The following PARD3B variants were observed in gnomAD, a reference collection of about 807,000 sequenced individuals.
PARD3B encodes the protein par-3 family cell polarity regulator beta.
PARD3B carries 103 observed loss-of-function variants against 130.2 expected under a neutral mutation model. That is an observed-to-expected ratio of 0.79 (90% confidence interval 0.67 to 0.93). The LOEUF is 0.93. Ranked by LOEUF, PARD3B falls within the 40% of genes least tolerant of loss-of-function variation. PARD3B has a pLI of 0.00. For synonymous variants in PARD3B, 583 were observed against 553.2 expected, an observed-to-expected ratio of 1.05 and a Z score of -0.76; for missense variants, 1,609 against 1,499.2, an observed-to-expected ratio of 1.07 and a Z score of -1.21.
At chr2:204,594,496 G>C (rs1383634634) in intron 1 of PARD3B, among the ~76,000 whole-genome samples, 1 of 152,168 alleles carries the variant, frequency 6.6e-6, no homozygotes, top group Non-Finnish European at 1.5e-5. Context: ...AGGTGGGCAA[G>C]CAAGGGTTAA....
At chr2:204,805,206 A>G (rs1215087161) in intron 2 of PARD3B, among the ~76,000 whole-genome samples, 4 of 152,226 alleles carry the variant, frequency 2.6e-5, no homozygotes, top group African/African-American at 9.6e-5. Flanking sequence ...ACCTAAACAA[A>G]TAAAGTCAGA....
At chr2:204,866,452 C>T (rs76316476) in intron 2 of PARD3B, among the ~76,000 whole-genome samples, 3,346 of 152,062 alleles carry the variant, frequency 0.022, 92 homozygotes, top group East Asian at 0.15. Context: ...TTTACATACA[C>T]AAACAAGTAT....
chr2:204,788,883 T>A (rs867058139), intron 2 of PARD3B, among the ~76,000 whole-genome samples: 1 of 152,230 alleles, frequency 6.6e-6, no homozygotes, highest in Non-Finnish European at 1.5e-5. Context: ...ATTATGTATA[T>A]TATATTGTAT....
intron 2 of PARD3B, among the ~76,000 whole-genome samples, chr2:204,769,642 T>C (rs1263575214): frequency 3.9e-5 from 1 of 25,884 alleles, no homozygotes; most frequent in East Asian, 1.5e-3. Context: ...TGGACTCTTT[T>C]TGGTTGGTAA....
intron 2 of PARD3B, among the ~76,000 whole-genome samples, chr2:204,955,908 C>T (rs1690195773): frequency 6.6e-6 from 1 of 152,048 alleles, no homozygotes; most frequent in Non-Finnish European, 1.5e-5. Context: ...CACTGGAGGG[C>T]CTGGTGCAGA....
intron 3 of PARD3B, among the ~76,000 whole-genome samples, chr2:205,028,502 A>G (rs2125353741): frequency 6.6e-6 from 1 of 152,270 alleles, no homozygotes; most frequent in Admixed American, 6.5e-5. Flanking sequence ...CTCAACATGA[A>G]AAGCTGAAAG....
intron 11 of PARD3B, among the ~76,000 whole-genome samples, chr2:205,164,822 T>TACACACACACAC (rs71032448): frequency 0.23 from 33,480 of 147,100 alleles, 3,971 homozygotes; most frequent in Middle Eastern, 0.39. Flanking sequence ...TATATATGTA[T>TACACACACACAC]ACACACACAC....
intron 2 of PARD3B, among the ~76,000 whole-genome samples, chr2:204,956,963 G>T (rs998222111): frequency 3.9e-5 from 6 of 152,056 alleles, no homozygotes; most frequent in African/African-American, 1.4e-4. Flanking sequence ...GACCTCCATG[G>T]CACCCTTTGC....
At chr2:204,877,743 G>C (rs2045897260) in intron 2 of PARD3B, among the ~76,000 whole-genome samples, 1 of 152,178 alleles carries the variant, frequency 6.6e-6, no homozygotes, top group Non-Finnish European at 1.5e-5. Context: ...GATTTATTTA[G>C]TGATGGTAAT....
chr2:204,961,503 G>T (rs1690743822), intron 2 of PARD3B, among the ~76,000 whole-genome samples: 1 of 152,044 alleles, frequency 6.6e-6, no homozygotes, highest in African/African-American at 2.4e-5. Flanking sequence ...TTCCATTTTT[G>T]ACATGTTAGA....
At chr2:204,796,657 G>A (rs1394693429) in intron 2 of PARD3B, among the ~76,000 whole-genome samples, 1 of 152,184 alleles carries the variant, frequency 6.6e-6, no homozygotes, top group Non-Finnish European at 1.5e-5. Flanking sequence ...ACAAAATTAA[G>A]ATTCATTGCA....
At chr2:205,238,720 T>C (rs1488999144) in intron 15 of PARD3B, among the ~76,000 whole-genome samples, 1 of 148,234 alleles carries the variant, frequency 6.7e-6, no homozygotes, top group Non-Finnish European at 1.5e-5. Flanking sequence ...TAATCCCAGA[T>C]ACTTGGGAGG....
chr2:204,703,554 A>G (rs2037994375), intron 2 of PARD3B, among the ~76,000 whole-genome samples: 1 of 152,218 alleles, frequency 6.6e-6, no homozygotes, highest in Non-Finnish European at 1.5e-5. Context: ...ATTCAAGATT[A>G]TAAAATGATT....
At chr2:205,398,742 G>A (rs560683656) in intron 18 of PARD3B, among the ~76,000 whole-genome samples, 78 of 152,238 alleles carry the variant, frequency 5.1e-4, no homozygotes, top group African/African-American at 1.6e-3. Context: ...CTCTACTATG[G>A]GTCAAAACAC....
At chr2:204,780,015 G>C (rs2041779822) in intron 2 of PARD3B, among the ~76,000 whole-genome samples, 1 of 152,170 alleles carries the variant, frequency 6.6e-6, no homozygotes, top group Admixed American at 6.6e-5. Flanking sequence ...TTGCATGGCT[G>C]TTATTTGGCA....
At chr2:205,076,472 T>G (rs890921762) in intron 4 of PARD3B, among the ~76,000 whole-genome samples, 2 of 152,308 alleles carry the variant, frequency 1.3e-5, no homozygotes, top group East Asian at 3.9e-4. Flanking sequence ...GTATATAGTT[T>G]AGGGCTTCTC....
intron 2 of PARD3B, among the ~76,000 whole-genome samples, chr2:204,834,409 C>T (rs2043953693): frequency 6.6e-6 from 1 of 152,106 alleles, no homozygotes; most frequent in South Asian, 2.1e-4. Context: ...GTCAGTTTTA[C>T]ATGATTGAAT....
chr2:205,051,504 G>GT (rs1380224213), intron 4 of PARD3B, among the ~76,000 whole-genome samples: 1 of 152,172 alleles, frequency 6.6e-6, no homozygotes, highest in Non-Finnish European at 1.5e-5. Flanking sequence ...ATAAGAAGCT[G>GT]TAAGGATGAA....
At chr2:205,130,090 G>C (rs1284338114) in intron 10 of PARD3B, among the ~76,000 whole-genome samples, 1 of 152,174 alleles carries the variant, frequency 6.6e-6, no homozygotes, top group East Asian at 1.9e-4. Flanking sequence ...TTTACCAAAA[G>C]AAGGGTATTT....
Sources: gnomAD v4.1 joint callset for allele counts (sites outside exome capture counted in the v4.1 genomes callset) on GRCh38, gnomAD v4.1.1 for gene constraint, MANE v1.5 for transcripts, NCBI Gene and HGNC (gene_info 2026-07-23, HGNC 2026-07-21) for gene names.